TAF1B: variants seen among roughly 807,000 people sequenced by gnomAD.
TAF1B encodes the protein TATA box-binding protein-associated factor RNA polymerase I subunit B.
Under a neutral mutation model 83.9 loss-of-function variants are expected in TAF1B, and 61 were observed. The ratio of observed to expected loss-of-function variants is 0.73; its 90% CI spans 0.59 to 0.90. The LOEUF is 0.90. Among genes scored for constraint, TAF1B ranks in the 40% least tolerant of loss-of-function variants. The pLI is 0.00. For synonymous variants in TAF1B, 221 were observed against 224.6 expected (o/e 0.98, Z 0.14); for missense variants, 625 against 677.0 (o/e 0.92, Z 0.85).
At position 9,912,263 on chromosome 2, in the gene TAF1B, T is replaced by C. The variant is rs114914515; in HGVS notation, c.1180+706T>C. On this transcript the variant is annotated intron_variant, in intron 11 of 14. Coordinates refer to ENST00000263663, the MANE Select transcript of TAF1B (RefSeq NM_005680.3). ...GGAGGGAGGGATCATATCTTTTTTTTTTTTTCTTTTAATGTATCTTTAGTG... is the reference window on the plus strand; with the variant it reads ...GGAGGGAGGGATCATATCTTTTTTTCTTTTTCTTTTAATGTATCTTTAGTG... Among the ~76,000 whole-genome samples, 1,403 of 152,116 alleles carry C rather than the reference T, an allele frequency of 9.2e-3. 29 individuals carry two copies. Among genetic ancestry groups the C allele is most frequent in the African/African-American group, 0.028 (1,169 of 41,428 alleles).
At chr2:9,903,125 G>A (rs1480813448) in intron 8 of TAF1B, among the ~76,000 whole-genome samples, 2 of 151,782 alleles carry the variant, frequency 1.3e-5, no homozygotes, top group Non-Finnish European at 2.9e-5. Flanking sequence ...TGGCTCTGTC[G>A]CCCAGGCTGG....
intron 8 of TAF1B, among the ~76,000 whole-genome samples, chr2:9,895,821 T>TC (rs1396800421): frequency 2.7e-5 from 4 of 150,424 alleles, no homozygotes; most frequent in African/African-American, 9.7e-5. Context: ...CTCTTTTTTT[T>TC]TTTTTTTTTT....
intron 9 of TAF1B, among the ~76,000 whole-genome samples, chr2:9,909,356 G>A (rs1382426711): frequency 6.6e-6 from 1 of 152,238 alleles, no homozygotes; most frequent in African/African-American, 2.4e-5. Flanking sequence ...GTGGTATCAT[G>A]TCTGTTCTTA....
intron 11 of TAF1B, among the ~76,000 whole-genome samples, chr2:9,912,691 A>G (rs1405944302): frequency 6.6e-6 from 1 of 152,190 alleles, no homozygotes; most frequent in Non-Finnish European, 1.5e-5. Flanking sequence ...TCTGTCTGCT[A>G]ATCACCATCC....
intron 3 of TAF1B, 75 bp from the exon 4 acceptor site, chr2:9,851,466 C>T: frequency 2.6e-6 from 3 of 1,172,116 alleles, no homozygotes; most frequent in South Asian, 3.6e-5. Flanking sequence ...GTGTAAAACA[C>T]AAATTGTAAC....
At chr2:9,853,050 TAGTG>T (rs1222780349) in intron 4 of TAF1B, among the ~76,000 whole-genome samples, 3 of 152,198 alleles carry the variant, frequency 2.0e-5, no homozygotes, top group Non-Finnish European at 4.4e-5. Flanking sequence ...TGATAGCTGA[TAGTG>T]GGGGGGTTGT....
rs73163635 is a variant in TAF1B at position 9,908,811 on chromosome 2, C to G, written c.956-1925C>G. 3.8e-3 allele frequency among the ~76,000 whole-genome samples: 576 copies of G among 152,314 alleles called. 5 individuals are homozygous for G. The highest frequency in any genetic ancestry group is 0.013 in the African/African-American group (538 of 41,570). ...AGCCTCTTCACATTCAACACTAAAGCCTTGTTGGACTGTTTGCATTTCCTG... is the reference window on the plus strand; with the variant it reads ...AGCCTCTTCACATTCAACACTAAAGGCTTGTTGGACTGTTTGCATTTCCTG... On this transcript the variant is annotated intron_variant, in intron 9 of 14. Transcript: ENST00000263663.
chr2:9,872,651 T>C (rs538686111), intron 6 of TAF1B, among the ~76,000 whole-genome samples: 2 of 152,344 alleles, frequency 1.3e-5, no homozygotes, highest in African/African-American at 4.8e-5. Context: ...TTATAATTGT[T>C]GTAGCAGGAG....
intron 5 of TAF1B, 62 bp from the exon 6 acceptor site, chr2:9,868,214 C>T: frequency 1.4e-6 from 2 of 1,457,870 alleles, no homozygotes; most frequent in Non-Finnish European, 9.4e-7. Context: ...TGTTTAAGTT[C>T]ACAGAAATTA....
chr2:9,845,920 T>G (rs1572206712), intron 2 of TAF1B: 1 of 335,596 alleles, frequency 3.0e-6, no homozygotes, highest in Non-Finnish European at 5.9e-6. Context: ...GAGGCGGAGG[T>G]TGCAGTGAGA....
intron 4 of TAF1B, chr2:9,852,125 A>G: frequency 2.3e-6 from 1 of 432,184 alleles, no homozygotes; most frequent in Non-Finnish European, 4.8e-6. Flanking sequence ...GAGTGCTTGA[A>G]AAAACACCAA....
At chr2:9,863,744 T>C (rs1314487551) in intron 5 of TAF1B, among the ~76,000 whole-genome samples, 1 of 152,202 alleles carries the variant, frequency 6.6e-6, no homozygotes, top group Non-Finnish European at 1.5e-5. Context: ...TATAACAAAC[T>C]GTCTTTCAGA....
chr2:9,903,645 C>T (rs6713616), intron 8 of TAF1B, among the ~76,000 whole-genome samples: 6,687 of 152,138 alleles, frequency 0.044, 193 homozygotes, highest in Non-Finnish European at 0.066. Context: ...GACTTAAAAC[C>T]TGGTGTTACT....
intron 5 of TAF1B, among the ~76,000 whole-genome samples, chr2:9,856,714 G>GT (rs1293364989): frequency 6.6e-6 from 1 of 152,080 alleles, no homozygotes; most frequent in African/African-American, 2.4e-5. Context: ...TTAAAAAAAG[G>GT]TTTTTCTAGA....
chr2:9,920,533 C>T (rs1379864437), intron 14 of TAF1B, among the ~76,000 whole-genome samples: 1 of 142,662 alleles, frequency 7.0e-6, no homozygotes, highest in Non-Finnish European at 1.5e-5. Flanking sequence ...GTGCCGTGTC[C>T]TCCTCAGGGT....
intron 2 of TAF1B, chr2:9,846,205 G>A (rs1367479525): frequency 2.2e-6 from 1 of 448,968 alleles, no homozygotes; most frequent in African/African-American, 2.0e-5. Flanking sequence ...TCTGACTTCA[G>A]TGTTCATTTT....
chr2:9,848,911 A>G (rs1230543101), intron 2 of TAF1B, among the ~76,000 whole-genome samples: 1 of 152,234 alleles, frequency 6.6e-6, no homozygotes, highest in Admixed American at 6.5e-5. Context: ...TACTTTTATA[A>G]TTTCAGAAAT....
rs560864838 is a variant in TAF1B at position 9,900,288 on chromosome 2, C to G, written c.808-4571C>G. Among the ~76,000 whole-genome samples the G allele has an allele frequency of 2.6e-5, 4 of 152,352 alleles. No individual in the cohort carries two copies. In the South Asian group the frequency reaches 6.2e-4, roughly 24 times the overall value. On this transcript the variant is annotated intron_variant, in intron 8 of 14. Transcript: ENST00000263663. ...GTGGCTCATGCCTGCAATCCCAACA[C>G]TTTGGGAGGCCAAGGCAGGCAAATT...
chr2:9,850,009 TA>T (rs1438684355), intron 3 of TAF1B, among the ~76,000 whole-genome samples: 1 of 120,686 alleles, frequency 8.3e-6, no homozygotes, highest in Admixed American at 9.9e-5. Flanking sequence ...ACACACACAT[TA>T]AAAAATATAT....
Sources: allele counts gnomAD v4.1 joint callset (sites outside exome capture counted in the v4.1 genomes callset), GRCh38; gene constraint gnomAD v4.1.1; transcripts MANE v1.5; gene names NCBI Gene and HGNC (gene_info 2026-07-23, HGNC 2026-07-21).